Variants in MYOM3 observed in about 807,000 individuals in gnomAD.
MYOM3 encodes the protein myomesin 3.
MYOM3 carries 155 observed loss-of-function variants against 191.7 expected under a neutral mutation model. The observed-to-expected ratio is 0.81, with a 90% CI of 0.71 to 0.92. The LOEUF (loss-of-function observed/expected upper bound fraction) is 0.92. Ranked by LOEUF, MYOM3 falls within the 40% of genes least tolerant of loss-of-function variation. The probability of loss-of-function intolerance (pLI) is 0.00; values close to 1 mark genes in which losing one functional copy is unlikely to be tolerated. For synonymous variants in MYOM3, 757 were observed against 762.9 expected (o/e 0.99, Z 0.13); for missense variants, 1,889 against 1,890.6 (o/e 1.00, Z 0.02).
In MYOM3 at chr1:24,084,294, C is replaced by A. The variant is rs747630879; in HGVS notation, c.1970+174G>T. 3.8e-5 allele frequency: 25 copies of A among 654,542 alleles called. No homozygotes were observed. The South Asian group carries it at 4.6e-4, about 12-fold the overall frequency. 40.5% of individuals were successfully genotyped at this position (654,542 alleles called of 1,614,324 possible). On this transcript the variant is annotated intron_variant, in intron 16 of 36. Transcript: ENST00000374434. ...CCATGTAAGACATGCTTCCTTCCCC[C>A]TCGCCTTCCGCCATAATCATAAGTT...
In MYOM3 at chr1:24,102,007, T is replaced by C. The variant is rs1643940625; in HGVS notation, c.561-2232A>G. On this transcript the variant is annotated intron_variant, in intron 5 of 36. Coordinates refer to ENST00000374434, the MANE Select transcript of MYOM3 (RefSeq NM_152372.4). ...GACCTTAGGCAACTCCATACCCCTC[T>C]CTGGGCCTCTGTGTCCCTGAAGCCA... Among the ~76,000 whole-genome samples, 6 of 152,306 alleles carry C rather than the reference T, an allele frequency of 3.9e-5. No homozygotes were observed. In the Middle Eastern group the frequency reaches 0.017, roughly 432 times the overall value.
chr1:24,069,825 G>A (rs1386327902), intron 25 of MYOM3, among the ~76,000 whole-genome samples: 1 of 152,104 alleles, frequency 6.6e-6, no homozygotes, highest in Non-Finnish European at 1.5e-5. Context: ...TGGCCAGGCT[G>A]GTCTTGAACT....
chr1:24,094,437 G>A (rs1234525436), intron 9 of MYOM3, among the ~76,000 whole-genome samples: 1 of 152,056 alleles, frequency 6.6e-6, no homozygotes, highest in Non-Finnish European at 1.5e-5. Context: ...AGAGTGCTAG[G>A]ATTACAGGTG....
rs147361788 is a variant in MYOM3, at chr1:24,107,721, C to T, written c.242+272G>A. On this transcript the variant is annotated intron_variant, in intron 3 of 36. Coordinates refer to ENST00000374434, the MANE Select transcript of MYOM3 (RefSeq NM_152372.4). Reference sequence around the variant, plus strand: ...CCATTCTTAGCCCCCTCCCCCACCACGTGAAGCCCAGAAGTCTGTTGGTGA... The same window carrying T: ...CCATTCTTAGCCCCCTCCCCCACCATGTGAAGCCCAGAAGTCTGTTGGTGA... 5.2e-3 allele frequency among the ~76,000 whole-genome samples: 797 copies of T among 152,336 alleles called. 7 individuals are homozygous for T. Among genetic ancestry groups the T allele is most frequent in the African/African-American group, 0.017 (721 of 41,570 alleles).
chr1:24,105,883 C>T, intron 5 of MYOM3, 37 bp downstream of exon 5: 1 of 1,561,746 alleles, frequency 6.4e-7, no homozygotes, highest in Non-Finnish European at 8.7e-7. Flanking sequence ...CTTGTGACCC[C>T]AGAGGCCCAG....
Position 24,111,228 on chromosome 1 carries a change from A to T in MYOM3, c.-19+803T>A, listed in dbSNP as rs1323939104. ...CCGCTTCCCTCTCTTGGGGTGCAAA[A>T]ATCTGGGCCAGAGGTCCCACTGCGT... On this transcript the variant is annotated intron_variant, in intron 1 of 36. Transcript: ENST00000374434. This position sits in a 1 kb window ranked among gnomAD's most constrained non-coding sequence, Gnocchi z 4.7. 6.6e-6 allele frequency among the ~76,000 whole-genome samples: 1 copy of T among 152,118 alleles called. No individual in the cohort carries two copies. Among genetic ancestry groups the T allele is most frequent in the African/African-American group, 2.4e-5 (1 of 41,428 alleles).
chr1:24,060,723 C>T (rs1643360066), intron 35 of MYOM3, among the ~76,000 whole-genome samples: 1 of 152,192 alleles, frequency 6.6e-6, no homozygotes, highest in Non-Finnish European at 1.5e-5. Context: ...CCTCGAGAGC[C>T]ATAGCTTCAG....
chr1:24,067,309 T>TTCCTTCCTTCCTTCC (rs1212290821), intron 27 of MYOM3, among the ~76,000 whole-genome samples: 1 of 91,070 alleles, frequency 1.1e-5, no homozygotes, highest in African/African-American at 4.2e-5. Context: ...TCTTTCCTTC[T>TTCCTTCCTTCCTTCC]TTCTTTCTTT....
intron 27 of MYOM3, among the ~76,000 whole-genome samples, chr1:24,067,364 CTTT>C (rs1643457895): frequency 8.6e-6 from 1 of 116,606 alleles, no homozygotes; most frequent in African/African-American, 3.7e-5. Context: ...TTCTTTCTTT[CTTT>C]CTTTCCTTCT....
At chr1:24,108,111 G>A in intron 2 of MYOM3, 38 bp from the exon 3 acceptor site, 1 of 1,591,886 alleles carries the variant, frequency 6.3e-7, no homozygotes, top group Non-Finnish European at 8.6e-7. Context: ...GCTCTTGCAG[G>A]ATTGGCTGGG....
At position 24,067,374 on chromosome 1, in the gene MYOM3, T is replaced by TTTC. The variant is rs1557602464; in HGVS notation, c.3356-287_3356-286insGAA. Among the ~76,000 whole-genome samples the TTTC allele has an allele frequency of 1.7e-3, 170 of 97,406 alleles. 1 individual carries two copies. The highest frequency in any genetic ancestry group is 2.9e-3 in the East Asian group (9 of 3,112). The allele number at this position is 97,406 out of a possible 152,430, so 63.9% of individuals were successfully genotyped here. On this transcript the variant is annotated intron_variant, in intron 27 of 36. Transcript: ENST00000374434. ...TTTCTTTCTTTCTTTCTTTCTTTCC[T>TTTC]TCTTTCTTTCTTTTTCCTTCCTTCC...
At position 24,106,035 on chromosome 1, in the gene MYOM3, A is replaced by G; in HGVS notation, c.445T>C (p.Cys149Arg). The G allele has an allele frequency of 6.2e-7, 1 of 1,613,748 alleles. No homozygotes were observed. Among genetic ancestry groups the G allele is most frequent in the South Asian group, 1.1e-5 (1 of 91,058 alleles). The change falls in exon 5 of 37, where the codon TGC (cysteine) becomes CGC (arginine). Residue 149 changes from cysteine (C) to arginine (R), a missense_variant. Coordinates refer to ENST00000374434, the MANE Select transcript of MYOM3 (RefSeq NM_152372.4). ...VQEAKELREL[C>R]YGRGPWFWIP... ...CAGAACCAGGGCCCGCGGCCGTAGCACAGCTCCCTCAGCTCCTTGGCCTCC... is the reference window on the plus strand; with the variant it reads ...CAGAACCAGGGCCCGCGGCCGTAGCGCAGCTCCCTCAGCTCCTTGGCCTCC...
Position 24,107,135 on chromosome 1 carries a change from CG to C in MYOM3, c.339del (p.Ile113MetfsTer19), listed in dbSNP as rs1557619277. 6.2e-7 allele frequency: 1 copy of C among 1,612,426 alleles called. No homozygotes were observed. The highest frequency in any genetic ancestry group is 1.7e-5 in the Admixed American group (1 of 59,864). On this transcript the variant is annotated frameshift_variant, in exon 4 of 37. Transcript: ENST00000374434. LOFTEE classifies it high-confidence loss of function. Reference protein sequence around the residue: ...GFGNDWERTEIAFLQTHRLLR... With the variant: ...GFGNDWERTEXAFLQTHRLLR... Reference sequence around the variant, plus strand: ...AGCAGCCGGTGGGTCTGCAGGAAGGCGATCTCAGTCCTCTCCCAGTCATTGC... The same window carrying C: ...AGCAGCCGGTGGGTCTGCAGGAAGGCATCTCAGTCCTCTCCCAGTCATTGC...
At position 24,079,738 on chromosome 1, in the gene MYOM3, G is replaced by T. The variant is rs116298060; in HGVS notation, c.2586+278C>A. ...ATAATTCAATCTCAGAAGCAGAATT[G>T]CTGGGTCAAGGGATATACATGTGCA... On this transcript the variant is annotated intron_variant, in intron 20 of 36. Transcript: ENST00000374434. 4.2e-3 allele frequency among the ~76,000 whole-genome samples: 634 copies of T among 152,294 alleles called. 2 individuals are homozygous for T. The highest frequency in any genetic ancestry group is 7.2e-3 in the Non-Finnish European group (488 of 68,024).
chr1:24,089,287 T>A (rs1643783666), intron 14 of MYOM3, among the ~76,000 whole-genome samples: 1 of 152,206 alleles, frequency 6.6e-6, no homozygotes. Context: ...TTGTTGTCTG[T>A]GTCTTGTATT....
Position 24,090,168 on chromosome 1 carries a change from T to G in MYOM3, c.1433-50A>C, listed in dbSNP as rs773479411. On this transcript the variant is annotated intron_variant, in intron 12 of 36. Transcript: ENST00000374434. ...GGGTGGGGGGTGGCACAGGAGGAGT[T>G]AGGCCAGGAGCTACCCCACACCAGG... The G allele has an allele frequency of 4.1e-6, 6 of 1,477,496 alleles. No homozygotes were observed. In the Admixed American group the frequency reaches 8.4e-5, roughly 21 times the overall value. 91.5% of individuals were successfully genotyped at this position (1,477,496 alleles called of 1,614,324 possible). A position where few individuals can be genotyped will look rare whatever the true frequency, so the allele number is the denominator to read the frequency against.
In MYOM3 at chr1:24,087,393, C is replaced by A. The variant is rs114127073; in HGVS notation, c.1615-566G>T. ...TTTTATAGCACGTGTCAGACCAGGT[C>A]CCTGTCTGCCCAGAACCCTCCCACG... On this transcript the variant is annotated intron_variant, in intron 14 of 36. Transcript: ENST00000374434. This position sits in a 1 kb window ranked among gnomAD's most constrained non-coding sequence, Gnocchi z 4.5. Among the ~76,000 whole-genome samples the A allele has an allele frequency of 2.6e-3, 389 of 152,212 alleles. 1 individual carries two copies. The highest frequency in any genetic ancestry group is 4.0e-3 in the Non-Finnish European group (271 of 68,006).
Position 24,058,914 on chromosome 1 carries a change from G to C in MYOM3, c.4050+10C>G. 2 of 1,603,986 alleles carry C rather than the reference G, an allele frequency of 1.2e-6. No homozygotes were observed. The highest frequency in any genetic ancestry group is 1.7e-6 in the Non-Finnish European group (2 of 1,173,842). On this transcript the variant is annotated intron_variant, in intron 36 of 36. Transcript: ENST00000374434. ...GGGACTGCTGGCTGTGGGCTGGGAA[G>C]GGTCAGTACCTTATCTTCCATGATA...
intron 23 of MYOM3, 121 bp from the exon 24 acceptor site, chr1:24,072,134 C>T: frequency 6.3e-6 from 6 of 954,302 alleles, no homozygotes; most frequent in Non-Finnish European, 1.0e-5. Context: ...AGACACCTCC[C>T]CCGACCTTGG....
Sources: gnomAD v4.1 joint callset for allele counts (sites outside exome capture counted in the v4.1 genomes callset) on GRCh38, gnomAD v4.1.1 for gene constraint, Gnocchi (gnomAD v3.1) non-coding constraint, MANE v1.5 for transcripts, NCBI Gene and HGNC (gene_info 2026-07-23, HGNC 2026-07-21) for gene names.